The following NUP188 variants were observed in gnomAD, a reference collection of about 807,000 sequenced individuals.
NUP188 encodes nucleoporin NUP188.
NUP188 carries 97 observed loss-of-function variants against 223.0 expected under a neutral mutation model. That is an observed-to-expected ratio of 0.43 (90% CI 0.37 to 0.51). NUP188 has a LOEUF of 0.51. NUP188 is among the 20% of genes least tolerant of loss of function. The probability of loss-of-function intolerance (pLI) is 0.00; values close to 1 mark genes in which losing one functional copy is unlikely to be tolerated. For missense variants in NUP188, 1,947 were observed against 2,175.6 expected (o/e 0.89, Z 2.09); for synonymous variants, 869 against 828.0 (o/e 1.05, Z -0.85).
rs191172360 is a variant in NUP188 at position 128,994,687 on chromosome 9, C to T, written c.3088-169C>T. On this transcript the variant is annotated intron_variant, in intron 28 of 43. Coordinates refer to ENST00000372577, the MANE Select transcript of NUP188 (RefSeq NM_015354.3). ...GTGGTCTTCTCCATTCAGTTGGAGA[C>T]GTTGTGGACCTGACGCCTCTGCTCT... 5.8e-3 allele frequency among the ~76,000 whole-genome samples: 887 copies of T among 152,308 alleles called. 6 individuals are homozygous for T. The highest frequency in any genetic ancestry group is 0.029 in the South Asian group (138 of 4,830).
intron 14 of NUP188, 136 bp from the exon 15 acceptor site, chr9:128,981,128 G>T: frequency 9.8e-7 from 1 of 1,024,500 alleles, no homozygotes; most frequent in South Asian, 1.5e-5. Flanking sequence ...GGCGAGGGGC[G>T]CAGAAGGCAG....
chr9:128,979,434 C>G (rs1842225301), intron 13 of NUP188, 107 bp downstream of exon 13: 8 of 733,866 alleles, frequency 1.1e-5, no homozygotes, highest in Non-Finnish European at 1.8e-5. Flanking sequence ...ATTTAATCTT[C>G]ATAAAAACGT....
intron 41 of NUP188, 57 bp downstream of exon 41, chr9:129,005,833 A>T: frequency 1.9e-6 from 3 of 1,543,530 alleles, no homozygotes; most frequent in Non-Finnish European, 2.6e-6. Flanking sequence ...CCTGCCTGCC[A>T]CTTCCCAGCT....
intron 14 of NUP188, 87 bp downstream of exon 14, chr9:128,980,812 G>A: frequency 1.4e-6 from 2 of 1,395,370 alleles, no homozygotes; most frequent in South Asian, 1.3e-5. Flanking sequence ...CCACATTGCA[G>A]TTCTACTGCC....
chr9:129,002,701 G>A (rs935387805), intron 36 of NUP188, 116 bp from the exon 37 acceptor site: 17 of 1,116,910 alleles, frequency 1.5e-5, no homozygotes, highest in Non-Finnish European at 2.0e-5. Context: ...CAGTGGCTGT[G>A]TCTATTCTGG....
intron 8 of NUP188, among the ~76,000 whole-genome samples, chr9:128,965,463 T>A (rs1336921945): frequency 6.6e-6 from 1 of 152,040 alleles, no homozygotes; most frequent in Non-Finnish European, 1.5e-5. Context: ...TAAAAAAAAT[T>A]TTTTTTTGAG....
intron 8 of NUP188, among the ~76,000 whole-genome samples, chr9:128,961,167 T>C (rs562891445): frequency 7.1e-6 from 1 of 139,922 alleles, no homozygotes; most frequent in South Asian, 2.3e-4. Context: ...TAAAAAAATA[T>C]ACAAAAAAAA....
chr9:128,994,765 G>T, intron 28 of NUP188, 91 bp from the exon 29 acceptor site: 1 of 1,067,146 alleles, frequency 9.4e-7, no homozygotes. Context: ...TGTTCTGCAA[G>T]TGTTGGGCCC....
chr9:128,964,346 T>C, intron 8 of NUP188: 1 of 321,420 alleles, frequency 3.1e-6, no homozygotes, highest in South Asian at 2.6e-5. Context: ...TAGTGGCTTG[T>C]CTTTTCCCAC....
intron 3 of NUP188, among the ~76,000 whole-genome samples, chr9:128,955,125 A>G (rs1033407717): frequency 3.3e-5 from 5 of 152,278 alleles, no homozygotes; most frequent in African/African-American, 9.6e-5. Context: ...TGCTGGGATT[A>G]CAGGCGTGAG....
At chr9:128,964,068 C>G (rs1455824802) in intron 8 of NUP188, among the ~76,000 whole-genome samples, 3 of 152,098 alleles carry the variant, frequency 2.0e-5, no homozygotes, top group African/African-American at 7.2e-5. Flanking sequence ...CCCGCCTAGG[C>G]CTCCCAAAGT....
chr9:129,004,930 A>G (rs1842750839), intron 38 of NUP188: 2 of 579,892 alleles, frequency 3.4e-6, no homozygotes, highest in Non-Finnish European at 6.2e-6. Flanking sequence ...TAGGGGCTTT[A>G]AGCTGGAAAG....
intron 8 of NUP188, among the ~76,000 whole-genome samples, chr9:128,961,660 T>G (rs954108166): frequency 6.6e-6 from 1 of 151,254 alleles, no homozygotes; most frequent in Non-Finnish European, 1.5e-5. Context: ...TCGCTCTTGT[T>G]GCCCAGGCTG....
intron 15 of NUP188, among the ~76,000 whole-genome samples, chr9:128,981,761 G>A (rs908183091): frequency 6.6e-6 from 1 of 152,142 alleles, no homozygotes; most frequent in Non-Finnish European, 1.5e-5. Context: ...GCACTCAAGT[G>A]ATTTTCAGAC....
At position 128,982,731 on chromosome 9, in the gene NUP188, C is replaced by T. The variant is rs374144338; in HGVS notation, c.1669+30C>T. 981 of 1,610,606 alleles carry T rather than the reference C, an allele frequency of 6.1e-4. 3 individuals are homozygous for T. The highest frequency in any genetic ancestry group is 1.5e-3 in the African/African-American group (116 of 74,908). On this transcript the variant is annotated intron_variant, in intron 16 of 43. Coordinates refer to ENST00000372577, the MANE Select transcript of NUP188 (RefSeq NM_015354.3). ...GGTCAGCTTTCGGAAACATCACCTA[C>T]GAGGAGGAAAAGTGGATATGCTTGG...
chr9:128,953,892 A>C (rs1564549326), intron 3 of NUP188, among the ~76,000 whole-genome samples: 1 of 151,096 alleles, frequency 6.6e-6, no homozygotes, highest in Non-Finnish European at 1.5e-5. Flanking sequence ...GTGCAGTGTC[A>C]CATCTCAGCT....
chr9:128,981,244 G>C lies in NUP188; in HGVS notation c.1390-20G>C, dbSNP rs746938235. The C allele has an allele frequency of 6.2e-7, 1 of 1,610,340 alleles. No individual in the cohort carries two copies. The highest frequency in any genetic ancestry group is 1.7e-5 in the Admixed American group (1 of 59,284). On this transcript the variant is annotated intron_variant, in intron 14 of 43. Coordinates refer to ENST00000372577, the MANE Select transcript of NUP188 (RefSeq NM_015354.3). The stretch of plus-strand genomic sequence containing the variant: ...CTTATCCTGGAGGGAAATGTGTGAT[G>C]GTTTTTTCTGTTTTGGCAGGTGTAT...
In NUP188 at chr9:128,969,482, C is replaced by T. The variant is rs1434031976; in HGVS notation, c.880C>T (p.His294Tyr). 1.1e-5 allele frequency: 18 copies of T among 1,590,582 alleles called. No homozygotes were observed. The highest frequency in any genetic ancestry group is 1.5e-5 in the Non-Finnish European group (18 of 1,172,134). ...KCALDDRREL[H>Y]QFAQDGLICQ... ...TGCTTTGGATGACAGAAGAGAACTG[C>T]ATCAGTTTGCGCAGGATGGGCTTAT... is the stretch of plus-strand genomic sequence containing the variant. Residue 294 changes from histidine to tyrosine, a missense_variant, in exon 10 of 44, where the codon CAT (histidine) becomes TAT (tyrosine). His to Tyr is a moderately conservative substitution (Grantham distance 83). Coordinates refer to ENST00000372577, the MANE Select transcript of NUP188 (RefSeq NM_015354.3).
chr9:128,960,409 T>C (rs1841931910), intron 8 of NUP188, among the ~76,000 whole-genome samples: 1 of 152,138 alleles, frequency 6.6e-6, no homozygotes, highest in Non-Finnish European at 1.5e-5. Context: ...CATCTATCGA[T>C]TATAGCATGA....
Sources: allele counts gnomAD v4.1 joint callset (sites outside exome capture counted in the v4.1 genomes callset), GRCh38; gene constraint gnomAD v4.1.1; transcripts MANE v1.5; gene names NCBI Gene and HGNC (gene_info 2026-07-23, HGNC 2026-07-21).